The following NUTM2G variants were observed in gnomAD, a reference collection of about 807,000 sequenced individuals.
The protein encoded by NUTM2G is family with sequence similarity 22, member G.
Under a neutral mutation model 44.3 loss-of-function variants are expected in NUTM2G, and 29 were observed. The ratio of observed to expected loss-of-function variants is 0.66; its 90% CI spans 0.49 to 0.89. The LOEUF is 0.89. Ranked by LOEUF, NUTM2G falls within the 40% of genes least tolerant of loss-of-function variation. NUTM2G has a pLI of 0.00. For synonymous variants in NUTM2G, 205 were observed against 395.9 expected, an observed-to-expected ratio of 0.52 and a Z score of 5.72; for missense variants, 502 against 946.5, an observed-to-expected ratio of 0.53 and a Z score of 6.16.
chr9:96,935,225 T>C (rs1826388004), intron 2 of NUTM2G, 103 bp from the exon 3 acceptor site: 1 of 1,536,050 alleles, frequency 6.5e-7, no homozygotes, highest in Non-Finnish European at 8.9e-7. Flanking sequence ...CAGGGACAGA[T>C]GGCAGGACAG....
chr9:96,936,473 G>C lies in NUTM2G; in HGVS notation c.891G>C (p.Gln297His), dbSNP rs1202998168. ...AEEEMQIQKS[Q>H]WMKGPQSLPP... is the part of the protein sequence containing the mutation. ...AGGAGATGCAGATTCAGAAATCGCAGTGGATGAAGGGGCCCCAGAGCCTGC... is the reference window on the plus strand; with the variant it reads ...AGGAGATGCAGATTCAGAAATCGCACTGGATGAAGGGGCCCCAGAGCCTGC... The change falls in exon 4 of 7, where the codon CAG (glutamine) becomes CAC (histidine). Residue 297 changes from glutamine (Q) to histidine (H), a missense_variant. By Grantham distance (24) the Gln-to-His change is conservative. Coordinates refer to ENST00000372322, the MANE Select transcript of NUTM2G (RefSeq NM_001170741.3). 1 of 1,567,296 alleles carries C rather than the reference G, an allele frequency of 6.4e-7. No homozygotes were observed. Among genetic ancestry groups the C allele is most frequent in the Non-Finnish European group, 8.6e-7 (1 of 1,164,568 alleles).
In NUTM2G at chr9:96,937,821, G is replaced by C. The variant is rs190016709; in HGVS notation, c.1324-64G>C. The stretch of plus-strand genomic sequence containing the variant: ...CTCCCTGCTTTCTGCATCTCCTCCG[G>C]GTGTCCTTGGCTCCAGGTTACTCCC... On this transcript the variant is annotated intron_variant, in intron 5 of 6. Coordinates refer to ENST00000372322, the MANE Select transcript of NUTM2G (RefSeq NM_001170741.3). The C allele has an allele frequency of 2.1e-3, 3,303 of 1,596,938 alleles. 21 individuals carry two copies. The Middle Eastern group carries it at 0.021, about 10-fold the overall frequency.
intron 2 of NUTM2G, among the ~76,000 whole-genome samples, chr9:96,932,810 GC>G (rs1355434377): frequency 1.3e-4 from 20 of 151,812 alleles, no homozygotes; most frequent in Admixed American, 1.3e-3. Flanking sequence ...GTGCCACCAT[GC>G]CTGGCTAATT....
At position 96,937,907 on chromosome 9, in the gene NUTM2G, G is replaced by T. The variant is rs369300898; in HGVS notation, c.1346G>T (p.Arg449Leu). ...VTKVEAVIHP[R>L]FLEELLSPDP... is the part of the protein sequence containing the mutation. ...CAGGTGGAGGCCGTCATTCACCCCC[G>T]ATTCCTGGAAGAATTGCTTTCCCCA... The change falls in exon 6 of 7, where the codon CGA becomes CTA. Residue 449 changes from arginine (R) to leucine (L), a missense_variant. Coordinates refer to ENST00000372322, the MANE Select transcript of NUTM2G (RefSeq NM_001170741.3). The T allele has an allele frequency of 2.7e-5, 44 of 1,611,458 alleles. 1 individual carries two copies. In the Admixed American group the frequency reaches 2.8e-4, roughly 10 times the overall value.
rs574974950 is a variant in NUTM2G at position 96,931,514 on chromosome 9, C to A, written c.17-208C>A. Among the ~76,000 whole-genome samples, 1,262 of 151,494 alleles carry A rather than the reference C, an allele frequency of 8.3e-3. 17 individuals carry two copies. The highest frequency in any genetic ancestry group is 0.028 in the African/African-American group (1,174 of 41,212). ...CTGTTTCTTCTTGGCAGACAAGGGT[C>A]AGGGAGTCTTGGTGACTGGCGCCAG... On this transcript the variant is annotated intron_variant, in intron 1 of 6. Transcript: ENST00000372322.
At chr9:96,937,506 A>C in intron 5 of NUTM2G, 102 bp downstream of exon 5, 1 of 1,003,014 alleles carries the variant, frequency 1.0e-6, no homozygotes, top group Non-Finnish European at 1.5e-6. Flanking sequence ...TAGTATGTGT[A>C]TTTCCATGGA....
At chr9:96,938,063 G>C in intron 6 of NUTM2G, 62 bp downstream of exon 6, 1 of 1,607,654 alleles carries the variant, frequency 6.2e-7, no homozygotes, top group Admixed American at 1.7e-5. Context: ...CGGCACACAA[G>C]GCCCACCCGA....
intron 1 of NUTM2G, among the ~76,000 whole-genome samples, chr9:96,931,230 G>C (rs1206335665): frequency 1.3e-5 from 2 of 151,756 alleles, no homozygotes; most frequent in Admixed American, 1.3e-4. Flanking sequence ...AGGAAAGAAA[G>C]GGGTTTACAA....
Position 96,937,930 on chromosome 9 carries a change from C to T in NUTM2G, c.1369C>T (p.Pro457Ser), listed in dbSNP as rs202040012. 48,009 of 1,611,702 alleles carry T rather than the reference C, an allele frequency of 0.03. 892 individuals carry two copies. The highest frequency in any genetic ancestry group is 0.036 in the Non-Finnish European group (42,367 of 1,179,712). The change falls in exon 6 of 7, where the codon CCA becomes TCA. Residue 457 changes from proline to serine, a missense_variant. Pro to Ser is a moderately conservative substitution (Grantham distance 74). Coordinates refer to ENST00000372322, the MANE Select transcript of NUTM2G (RefSeq NM_001170741.3). ...HPRFLEELLS[P>S]DPQMDFLALS... is the part of the protein sequence containing the mutation. The stretch of plus-strand genomic sequence containing the variant: ...CCGATTCCTGGAAGAATTGCTTTCC[C>T]CAGATCCACAGATGGATTTCTTGGC...
At chr9:96,940,811 C>T (rs1318100329), downstream of NUTM2G, among the ~76,000 whole-genome samples, 3 of 152,276 alleles carry the variant, frequency 2.0e-5, no homozygotes, top group Non-Finnish European at 4.4e-5. Context: ...CAGAACACAG[C>T]AGTCAGCCAG....
At chr9:96,931,298 T>C (rs1826237163) in intron 1 of NUTM2G, among the ~76,000 whole-genome samples, 1 of 151,248 alleles carries the variant, frequency 6.6e-6, no homozygotes, top group African/African-American at 2.4e-5. Flanking sequence ...CGGAAACTTC[T>C]GGTTTCCTGT....
At chr9:96,936,637 T>A in intron 4 of NUTM2G, 73 bp downstream of exon 4, 1 of 1,509,374 alleles carries the variant, frequency 6.6e-7, no homozygotes, top group Non-Finnish European at 8.8e-7. Context: ...TGTCCCCACA[T>A]CCCATGCTTC....
At chr9:96,936,974 C>T in intron 4 of NUTM2G, 90 bp from the exon 5 acceptor site, 3 of 1,377,650 alleles carry the variant, frequency 2.2e-6, no homozygotes, top group Non-Finnish European at 2.9e-6. Flanking sequence ...CTGGGACCCA[C>T]TTCACATCCC....
At chr9:96,940,320 G>T, downstream of NUTM2G, 1 of 153,332 alleles carries the variant, frequency 6.5e-6, no homozygotes, top group Non-Finnish European at 1.4e-5. Context: ...GGGGCCAGGT[G>T]TTCACTGAAG....
At chr9:96,935,980 G>A (rs912610647) in intron 3 of NUTM2G, among the ~76,000 whole-genome samples, 3 of 149,808 alleles carry the variant, frequency 2.0e-5, no homozygotes, top group Non-Finnish European at 4.4e-5. Context: ...GGGGAAACGG[G>A]CCCTGTCCTC....
chr9:96,931,321 T>A (rs1826237997), intron 1 of NUTM2G, among the ~76,000 whole-genome samples: 1 of 151,614 alleles, frequency 6.6e-6, no homozygotes, highest in South Asian at 2.1e-4. Context: ...GCCTTCTGAA[T>A]GCCGAGCACT....
At chr9:96,930,718 C>T (rs1222245574) in intron 1 of NUTM2G, among the ~76,000 whole-genome samples, 2 of 148,028 alleles carry the variant, frequency 1.4e-5, no homozygotes, top group African/African-American at 5.1e-5. Flanking sequence ...CAGCTGGGAC[C>T]ACTGAGCACT....
At chr9:96,935,740 G>A (rs1293172645) in intron 3 of NUTM2G, among the ~76,000 whole-genome samples, 2 of 152,166 alleles carry the variant, frequency 1.3e-5, no homozygotes, top group Admixed American at 1.3e-4. Flanking sequence ...GCCCAAAGGG[G>A]GTCTCCTCCA....
chr9:96,931,325 G>A lies in NUTM2G; in HGVS notation c.17-397G>A, dbSNP rs1449262039. Among the ~76,000 whole-genome samples the A allele has an allele frequency of 4.0e-5, 6 of 151,580 alleles. No homozygotes were observed. In the East Asian group the frequency reaches 5.9e-4, roughly 15 times the overall value. On this transcript the variant is annotated intron_variant, in intron 1 of 6. Transcript: ENST00000372322. ...GTTTCCTGTCGGCCTTCTGAATGCC[G>A]AGCACTGCCCTGGGGTAGGCCCCTC...
Sources: gnomAD v4.1 joint callset for allele counts (sites outside exome capture counted in the v4.1 genomes callset) on GRCh38, gnomAD v4.1.1 for gene constraint, MANE v1.5 for transcripts, NCBI Gene and HGNC (gene_info 2026-07-23, HGNC 2026-07-21) for gene names.